FBXO43: variants seen among roughly 807,000 people sequenced by gnomAD.
FBXO43 encodes F-box only protein 43.
In FBXO43, 22 loss-of-function variants were observed where a neutral mutation model predicts 56.7. That is an observed-to-expected ratio of 0.39 (90% CI 0.28 to 0.55). FBXO43 has a LOEUF of 0.55. Ranked by LOEUF, FBXO43 falls within the 20% of genes least tolerant of loss-of-function variation. The pLI, the probability that FBXO43 is intolerant of heterozygous loss-of-function variation, is 0.66. For missense variants in FBXO43, 733 were observed against 814.9 expected, an observed-to-expected ratio of 0.90 and a Z score of 1.22; for synonymous variants, 306 against 294.5, an observed-to-expected ratio of 1.04 and a Z score of -0.40.
Position 100,134,212 on chromosome 8 carries a change from T to C in FBXO43, c.1827A>G (p.Leu609=), listed in dbSNP as rs755715360. ...LSPWGEVLTP[L]ASSSVTHLSS... ...TTAAGTGAGTAACAGAAGAGCTTGCTAGAGGTGTCAAAACTTCTCCCCAGG... is the reference window on the plus strand; with the variant it reads ...TTAAGTGAGTAACAGAAGAGCTTGCCAGAGGTGTCAAAACTTCTCCCCAGG... The change falls in exon 4 of 5, where the codon CTA becomes CTG. Residue 609 remains leucine (L), a synonymous_variant. Coordinates refer to ENST00000428847, the MANE Select transcript of FBXO43 (RefSeq NM_001029860.4). The C allele has an allele frequency of 2.3e-5, 37 of 1,614,090 alleles. No homozygotes were observed. In the Admixed American group the frequency reaches 3.7e-4, roughly 16 times the overall value.
chr8:100,146,174 T>C (rs181330525), upstream of FBXO43, among the ~76,000 whole-genome samples: 116 of 152,338 alleles, frequency 7.6e-4, no homozygotes, highest in African/African-American at 2.6e-3. Flanking sequence ...GTTAAAAATA[T>C]GGATATACAC....
chr8:100,133,933 C>CA lies in FBXO43; in HGVS notation c.1995dup (p.Asp666Ter). The CA allele has an allele frequency of 6.2e-7, 1 of 1,614,130 alleles. No homozygotes were observed. The highest frequency in any genetic ancestry group is 8.5e-7 in the Non-Finnish European group (1 of 1,180,016). On this transcript the variant is annotated frameshift_variant, in exon 5 of 5. Coordinates refer to ENST00000428847, the MANE Select transcript of FBXO43 (RefSeq NM_001029860.4). LOFTEE classifies it high-confidence loss of function. ...GCACACAGACATAACACACAAAAGT[C>CA]AAAACCACAGGCTGTTCGGCTACAC...
rs1361153485 is a variant in FBXO43, at chr8:100,141,878, T to A, written c.376A>T (p.Lys126Ter). 1 of 1,589,680 alleles carries A rather than the reference T, an allele frequency of 6.3e-7. No individual in the cohort carries two copies. The highest frequency in any genetic ancestry group is 8.5e-7 in the Non-Finnish European group (1 of 1,172,952). ...THPLESPTQK[K>*]KCILPRKEKD... ...TCCTTTCTAGGCAAGATACATTTCT[T>A]TTTTTGAGTGGGAGATTCTAAAGGA... Residue 126 changes from lysine to a stop codon, truncating the protein, a stop_gained, in exon 2 of 5, where the codon AAG (lysine) becomes TAG (stop). Transcript: ENST00000428847. LOFTEE classifies it high-confidence loss of function.
rs1009620509 is a variant in FBXO43 at position 100,133,729 on chromosome 8, T to C, written c.*73A>G. The C allele has an allele frequency of 5.6e-6, 8 of 1,430,178 alleles. No homozygotes were observed. The highest frequency in any genetic ancestry group is 4.6e-5 in the Admixed American group (2 of 43,822). The allele number at this position is 1,430,178 out of a possible 1,614,324, so 88.6% of individuals were successfully genotyped here. ...CCTGTCATTAATGGGAAGATTTGCA[T>C]GTATTCAAAATATTCATAATTTTAA... On this transcript the variant is annotated 3_prime_UTR_variant, in exon 5 of 5. Transcript: ENST00000428847.
chr8:100,141,228 C>T lies in FBXO43; in HGVS notation c.1026G>A (p.Glu342=), dbSNP rs1195762346. ...GGTCAGACAGGGAATCTTCTGATTT[C>T]TCCAAGCTAAGTGAGTTAAAACCAC... ...EDSGFNSLSL[E]KSEDSLSDQE... Residue 342 remains glutamate, a synonymous_variant, in exon 2 of 5, where the codon GAG becomes GAA. Transcript: ENST00000428847. The T allele has an allele frequency of 6.2e-7, 1 of 1,614,142 alleles. No individual in the cohort carries two copies. Among genetic ancestry groups the T allele is most frequent in the Non-Finnish European group, 8.5e-7 (1 of 1,180,026 alleles).
Position 100,145,172 on chromosome 8 carries a change from T to C in FBXO43, c.-37A>G, listed in dbSNP as rs1466437166. ...GCCACTTAAAGAGGAAAACTTTAGT[T>C]TGCACAATTAATTGAAAGGTGCAGC... is the stretch of plus-strand genomic sequence containing the variant. On this transcript the variant is annotated 5_prime_UTR_variant, in exon 1 of 5. Transcript: ENST00000428847. 1 of 1,574,528 alleles carries C rather than the reference T, an allele frequency of 6.4e-7. No homozygotes were observed. Among genetic ancestry groups the C allele is most frequent in the Non-Finnish European group, 8.6e-7 (1 of 1,156,198 alleles).
chr8:100,140,658 T>A lies in FBXO43; in HGVS notation c.1571+25A>T, dbSNP rs140293795. On this transcript the variant is annotated intron_variant, in intron 2 of 4. Coordinates refer to ENST00000428847, the MANE Select transcript of FBXO43 (RefSeq NM_001029860.4). The stretch of plus-strand genomic sequence containing the variant: ...TTCAACTTAAAAAAAGAAGTTTTAT[T>A]TCATAAACAACTCTTACTTCTTACC... 1,476 of 1,524,622 alleles carry A rather than the reference T, an allele frequency of 9.7e-4. 11 individuals carry two copies. In the African/African-American group the frequency reaches 0.019, roughly 20 times the overall value. The allele number at this position is 1,524,622 out of a possible 1,614,324, so 94.4% of individuals were successfully genotyped here.
Position 100,140,731 on chromosome 8 carries a change from T to C in FBXO43, c.1523A>G (p.His508Arg). The change falls in exon 2 of 5, where the codon CAT (histidine) becomes CGT (arginine). Residue 508 changes from histidine to arginine, a missense_variant. By Grantham distance (29) the His-to-Arg change is conservative. Transcript: ENST00000428847. The part of the protein sequence containing the change: ...LTELKYRNLK[H>R]ILAMVLESLT... ...GGACTCTAAAACCATAGCAAGAATA[T>C]GCTTTAAATTTCTATATTTTAATTC... 6.2e-7 allele frequency: 1 copy of C among 1,612,898 alleles called. No individual in the cohort carries two copies. The highest frequency in any genetic ancestry group is 8.5e-7 in the Non-Finnish European group (1 of 1,179,490).
At chr8:100,147,038 G>T (rs1048964294), upstream of FBXO43, among the ~76,000 whole-genome samples, 2 of 152,166 alleles carry the variant, frequency 1.3e-5, no homozygotes, top group African/African-American at 2.4e-5. Context: ...AGTAGAGACG[G>T]AGTTTTGCCA....
chr8:100,149,709 G>A (rs1357920713), upstream of FBXO43, among the ~76,000 whole-genome samples: 17 of 152,172 alleles, frequency 1.1e-4, no homozygotes. Context: ...TTTCTGGATG[G>A]AGGGCCCGAA....
In FBXO43 at chr8:100,141,855, C is replaced by T; in HGVS notation, c.399G>A (p.Lys133=). 1 of 1,590,090 alleles carries T rather than the reference C, an allele frequency of 6.3e-7. No homozygotes were observed. The highest frequency in any genetic ancestry group is 2.2e-5 in the East Asian group (1 of 44,696). Residue 133 remains lysine, a synonymous_variant, in exon 2 of 5, where the codon AAG becomes AAA. Coordinates refer to ENST00000428847, the MANE Select transcript of FBXO43 (RefSeq NM_001029860.4). The part of the protein sequence containing the change: ...TQKKKCILPR[K]EKDKTPELCE... ...AAAGTTCTGGGGTTTTATCCTTTTCCTTTCTAGGCAAGATACATTTCTTTT... is the reference window on the plus strand; with the variant it reads ...AAAGTTCTGGGGTTTTATCCTTTTCTTTTCTAGGCAAGATACATTTCTTTT...
chr8:100,136,056 G>A (rs1489786308), intron 3 of FBXO43, among the ~76,000 whole-genome samples: 1 of 151,744 alleles, frequency 6.6e-6, no homozygotes, highest in Non-Finnish European at 1.5e-5. Context: ...ATATTAATAA[G>A]TGCATGCTTA....
chr8:100,142,247 G>A, intron 1 of FBXO43, 79 bp from the exon 2 acceptor site: 1 of 1,283,628 alleles, frequency 7.8e-7, no homozygotes, highest in Non-Finnish European at 1.0e-6. Context: ...TATTTGTTAT[G>A]AGTACAGATA....
At chr8:100,143,982 G>A (rs891051885) in intron 1 of FBXO43, among the ~76,000 whole-genome samples, 1 of 152,184 alleles carries the variant, frequency 6.6e-6, no homozygotes, top group Non-Finnish European at 1.5e-5. Flanking sequence ...ATGTTGGCCA[G>A]GCTGGTCTCG....
At chr8:100,148,421 C>CT (rs915622170), upstream of FBXO43, among the ~76,000 whole-genome samples, 17 of 151,902 alleles carry the variant, frequency 1.1e-4, 1 homozygote, top group East Asian at 9.7e-4. Flanking sequence ...TTTTGCTTCC[C>CT]TTTTTTTTGA....
In FBXO43 at chr8:100,145,590, G is replaced by C. The variant is rs3133671; in HGVS notation, c.-455C>G. On this transcript the variant is annotated 5_prime_UTR_variant, in exon 1 of 5. Transcript: ENST00000428847. ...CACCTGGAAGACACAGGGCGACGCGGGGCCGGGCCGCCGGGAGACCCGCTA... is the reference window on the plus strand; with the variant it reads ...CACCTGGAAGACACAGGGCGACGCGCGGCCGGGCCGCCGGGAGACCCGCTA... 0.049 allele frequency: 7,443 copies of C among 152,948 alleles called. 545 individuals are homozygous for C. The highest frequency in any genetic ancestry group is 0.15 in the African/African-American group (6,175 of 41,570). The allele number at this position is 152,948 out of a possible 1,614,324, so 9.5% of individuals were successfully genotyped here. A position where few individuals can be genotyped will look rare whatever the true frequency, so the allele number is the denominator to read the frequency against.
In FBXO43 at chr8:100,141,287, C is replaced by G. The variant is rs938636863; in HGVS notation, c.967G>C (p.Glu323Gln). ...NASQILSPSP[E>Q]VRGSISTPED... is the part of the protein sequence containing the mutation. ...GGCGTTGAAATACTGCCTCTCACTT[C>G]AGGTGAAGGAGAAAGTATTTGACTT... Residue 323 changes from glutamate to glutamine, a missense_variant, in exon 2 of 5, where the codon GAA (glutamate) becomes CAA (glutamine). Glu to Gln is a conservative substitution (Grantham distance 29). Transcript: ENST00000428847. 1.2e-6 allele frequency: 2 copies of G among 1,614,140 alleles called. No individual in the cohort carries two copies. Among genetic ancestry groups the G allele is most frequent in the Non-Finnish European group, 1.7e-6 (2 of 1,180,050 alleles).
chr8:100,143,052 A>G (rs1356070628), intron 1 of FBXO43, among the ~76,000 whole-genome samples: 1 of 152,244 alleles, frequency 6.6e-6, no homozygotes, highest in Non-Finnish European at 1.5e-5. Context: ...AAGGAATGAC[A>G]CTAAGAAATA....
chr8:100,149,475 G>C (rs548653480), upstream of FBXO43, among the ~76,000 whole-genome samples: 1 of 152,284 alleles, frequency 6.6e-6, no homozygotes, highest in East Asian at 1.9e-4. Flanking sequence ...CACCTCTTTG[G>C]TTAAGAGGAG....
Sources: allele counts gnomAD v4.1 joint callset (sites outside exome capture counted in the v4.1 genomes callset), GRCh38; gene constraint gnomAD v4.1.1; transcripts MANE v1.5; gene names NCBI Gene and HGNC (gene_info 2026-07-23, HGNC 2026-07-21).